Variants in PI4KA observed in about 807,000 individuals in gnomAD.
PI4KA encodes the protein PI4-kinase alpha.
Under a neutral mutation model 271.4 loss-of-function variants are expected in PI4KA, and 122 were observed. The ratio of observed to expected loss-of-function variants is 0.45; its 90% CI spans 0.39 to 0.52. The LOEUF is 0.52. Ranked by LOEUF, PI4KA falls within the 20% of genes least tolerant of loss-of-function variation. The pLI is 0.00. For missense variants in PI4KA, 1,969 were observed against 2,769.1 expected, an observed-to-expected ratio of 0.71 and a Z score of 6.48; for synonymous variants, 1,041 against 1,078.8, an observed-to-expected ratio of 0.96 and a Z score of 0.69.
chr22:20,718,834 G>A lies in PI4KA; in HGVS notation c.5117-12C>T, dbSNP rs1807692. ...GTCGCCGATGTCAGCTGCCAAGGAA[G>A]CAAAGAGGCTTAAGTCTCTGTGGCT... On this transcript the variant is annotated splice_polypyrimidine_tract_variant and intron_variant, in intron 43 of 54. Transcript: ENST00000255882. 0.44 allele frequency: 713,419 copies of A among 1,611,530 alleles called. 160,036 individuals are homozygous for A. Among genetic ancestry groups the A allele is most frequent in the Admixed American group, 0.55 (33,136 of 59,848 alleles).
chr22:20,836,667 G>A (rs1924904553), intron 2 of PI4KA, among the ~76,000 whole-genome samples: 1 of 152,198 alleles, frequency 6.6e-6, no homozygotes, highest in East Asian at 1.9e-4. Context: ...ATAAGCACCA[G>A]GTAAAAACCA....
intron 52 of PI4KA, 59 bp downstream of exon 52, chr22:20,710,640 G>A (rs1925134801): frequency 6.1e-6 from 9 of 1,475,900 alleles, no homozygotes; most frequent in Admixed American, 1.7e-5. Flanking sequence ...TCCTAAAGGG[G>A]ATCTCAGAAC....
chr22:20,828,344 A>C (rs1009909021), intron 3 of PI4KA, among the ~76,000 whole-genome samples: 6 of 152,022 alleles, frequency 3.9e-5, no homozygotes, highest in Non-Finnish European at 8.8e-5. Context: ...GATGCCTTTT[A>C]TTTCTTTCTC....
chr22:20,728,810 G>A (rs1601347766), intron 39 of PI4KA, among the ~76,000 whole-genome samples: 1 of 152,178 alleles, frequency 6.6e-6, no homozygotes, highest in Non-Finnish European at 1.5e-5. Context: ...ATTCTAAACA[G>A]GGACTCTGCA....
In PI4KA at chr22:20,764,074, T is replaced by G. The variant is rs139399522; in HGVS notation, c.2708+743A>C. On this transcript the variant is annotated intron_variant, in intron 22 of 54. Transcript: ENST00000255882. Reference sequence around the variant, plus strand: ...GGAAAGAAATTATTCTACGACTTATTTGCATCCCTCCCGACTTAAGCTGAG... The same window carrying G: ...GGAAAGAAATTATTCTACGACTTATGTGCATCCCTCCCGACTTAAGCTGAG... Among the ~76,000 whole-genome samples the G allele has an allele frequency of 3.3e-5, 5 of 152,338 alleles. 1 individual carries two copies. In the East Asian group the frequency reaches 9.6e-4, roughly 29 times the overall value.
chr22:20,777,349 T>C (rs551617488), intron 19 of PI4KA, among the ~76,000 whole-genome samples: 1 of 152,158 alleles, frequency 6.6e-6, no homozygotes, highest in East Asian at 1.9e-4. Context: ...CCTAAGTATC[T>C]GGGATTACAG....
chr22:20,711,769 G>A (rs1925308209), intron 50 of PI4KA, among the ~76,000 whole-genome samples: 2 of 151,666 alleles, frequency 1.3e-5, no homozygotes, highest in African/African-American at 2.4e-5. Flanking sequence ...TTTTTTAAAT[G>A]GAGTCTCGCT....
rs866581402 is a variant in PI4KA, at chr22:20,846,535, G to A, written c.157-7804C>T. On this transcript the variant is annotated intron_variant, in intron 1 of 54. Coordinates refer to ENST00000255882, the MANE Select transcript of PI4KA (RefSeq NM_058004.4). ...CGCACGCTGGGGCCTGTGAGGTGGGGGAGGGAGAATATCAGGAAAAATAGC... is the reference window on the plus strand; with the variant it reads ...CGCACGCTGGGGCCTGTGAGGTGGGAGAGGGAGAATATCAGGAAAAATAGC... 3.9e-5 allele frequency among the ~76,000 whole-genome samples: 6 copies of A among 152,076 alleles called. No homozygotes were observed. The South Asian group carries it at 1.2e-3, about 32-fold the overall frequency.
chr22:20,726,302 G>C, intron 42 of PI4KA, 186 bp downstream of exon 42: 1 of 514,356 alleles, frequency 1.9e-6, no homozygotes. Context: ...GGGTGAGGCA[G>C]TGGGTGAACA....
Position 20,799,151 on chromosome 22 carries a change from G to T in PI4KA, c.1946C>A (p.Pro649His), listed in dbSNP as rs749790677. Residue 649 changes from proline to histidine, a missense_variant, in exon 16 of 55, where the codon CCC becomes CAC. This residue lies in a region of PI4KA where 228 missense variants were observed against 261.6 expected (regional missense o/e 0.87). Transcript: ENST00000255882. Reference sequence around the variant, plus strand: ...AATAATCAGCACATCGAGGGGGGAGGGTGGCTGGCAGAATTTCTGCTGTAG... The same window carrying T: ...AATAATCAGCACATCGAGGGGGGAGTGTGGCTGGCAGAATTTCTGCTGTAG... ...QILQQKFCQP[P>H]SPLDVLIIDQ... 3.1e-6 allele frequency: 5 copies of T among 1,612,526 alleles called. No homozygotes were observed. In the African/African-American group the frequency reaches 6.7e-5, roughly 22 times the overall value.
intron 47 of PI4KA, among the ~76,000 whole-genome samples, chr22:20,713,724 G>C (rs1925633258): frequency 6.6e-6 from 1 of 152,244 alleles, no homozygotes; most frequent in Admixed American, 6.5e-5. Flanking sequence ...TGTACACTGG[G>C]GTCCTGGGAG....
chr22:20,813,537 G>A (rs368875968), intron 7 of PI4KA, 31 bp from the exon 8 acceptor site: 106 of 1,608,772 alleles, frequency 6.6e-5, no homozygotes, highest in African/African-American at 2.4e-4. Context: ...AAACTCAGCC[G>A]TGGTGACAGG....
Position 20,732,637 on chromosome 22 carries a change from C to T in PI4KA, c.4288+334G>A, listed in dbSNP as rs73877763. On this transcript the variant is annotated intron_variant, in intron 36 of 54. Coordinates refer to ENST00000255882, the MANE Select transcript of PI4KA (RefSeq NM_058004.4). ...TACAAGACAACAACAGACCATACCC[C>T]AGTCATGTGGGTGTGCACCAGCCTC... Among the ~76,000 whole-genome samples the T allele has an allele frequency of 6.1e-3, 932 of 152,370 alleles. 9 individuals carry two copies. Among genetic ancestry groups the T allele is most frequent in the African/African-American group, 0.021 (867 of 41,588 alleles).
At chr22:20,829,438 G>C (rs548596081) in intron 3 of PI4KA, among the ~76,000 whole-genome samples, 1 of 152,132 alleles carries the variant, frequency 6.6e-6, no homozygotes, top group African/African-American at 2.4e-5. Context: ...CTGGCTTGTA[G>C]GCATAGAGGT....
chr22:20,854,986 T>G (rs371392402), intron 1 of PI4KA, among the ~76,000 whole-genome samples: 1 of 151,994 alleles, frequency 6.6e-6, no homozygotes, highest in Non-Finnish European at 1.5e-5. Flanking sequence ...ACCCCATCTC[T>G]ACTAAAAATA....
chr22:20,722,703 T>G (rs1000637342), intron 42 of PI4KA, among the ~76,000 whole-genome samples: 1 of 152,212 alleles, frequency 6.6e-6, no homozygotes, highest in Admixed American at 6.5e-5. Flanking sequence ...AAAGGTGAGC[T>G]GGCCTTTCTG....
rs181892781 is a variant in PI4KA at position 20,725,810 on chromosome 22, G to A, written c.4995+678C>T. ...ACTTGGGAGGGGTAGCGGGGAAGGT[G>A]CTGAGGTGGGAGGATAGCTTGAGCC... On this transcript the variant is annotated intron_variant, in intron 42 of 54. Transcript: ENST00000255882. The A allele has an allele frequency of 1.3e-4, 37 of 278,746 alleles. No individual in the cohort carries two copies. In the East Asian group the frequency reaches 3.2e-3, roughly 24 times the overall value. The allele number at this position is 278,746 out of a possible 1,614,324, so 17.3% of individuals were successfully genotyped here.
chr22:20,711,980 T>G (rs1466694383), intron 50 of PI4KA, among the ~76,000 whole-genome samples: 1 of 152,040 alleles, frequency 6.6e-6, no homozygotes, highest in East Asian at 1.9e-4. Flanking sequence ...CTTGACCTCA[T>G]GATCTGCCCA....
chr22:20,721,510 C>T, intron 42 of PI4KA, 92 bp from the exon 43 acceptor site: 2 of 1,420,704 alleles, frequency 1.4e-6, no homozygotes, highest in Non-Finnish European at 2.0e-6. Flanking sequence ...ATTTGGTAGA[C>T]CAGGCAAGGG....
Sources: gnomAD v4.1 joint callset for allele counts (sites outside exome capture counted in the v4.1 genomes callset) on GRCh38, gnomAD v4.1.1 for gene constraint, gnomAD v4.1.1 regional missense constraint, MANE v1.5 for transcripts, NCBI Gene and HGNC (gene_info 2026-07-23, HGNC 2026-07-21) for gene names.